The following AGMO variants were observed in gnomAD, a reference collection of about 807,000 sequenced individuals.
The protein encoded by AGMO is glyceryl-ether monooxygenase.
A neutral mutation model predicts 60.2 loss-of-function variants in AGMO; 75 were observed. The observed-to-expected ratio is 1.25, with a 90% CI of 1.03 to 1.51. The LOEUF (loss-of-function observed/expected upper bound fraction) is 1.51. AGMO is among the 40% of genes most tolerant of loss of function. The pLI, the probability that AGMO is intolerant of heterozygous loss-of-function variation, is 0.00. For missense variants in AGMO, 763 were observed against 525.5 expected (o/e 1.45, Z -4.42); for synonymous variants, 261 against 177.1 (o/e 1.47, Z -3.76).
At chr7:15,285,526 G>T (rs1309056147) in intron 12 of AGMO, among the ~76,000 whole-genome samples, 2 of 151,924 alleles carry the variant, frequency 1.3e-5, no homozygotes, top group African/African-American at 2.4e-5. Flanking sequence ...GGAGGTGAAA[G>T]ATCTCTACAA....
chr7:15,466,868 T>C (rs1176873374), intron 3 of AGMO, among the ~76,000 whole-genome samples: 1 of 152,164 alleles, frequency 6.6e-6, no homozygotes, highest in Non-Finnish European at 1.5e-5. Context: ...TTAATTGTAC[T>C]GTCTGTCTTC....
At chr7:15,387,180 T>A (rs566822994) in intron 9 of AGMO, among the ~76,000 whole-genome samples, 1 of 152,198 alleles carries the variant, frequency 6.6e-6, no homozygotes, top group Non-Finnish European at 1.5e-5. Context: ...TGCTCCACAA[T>A]CTGTGCTCCT....
At chr7:15,483,035 G>A (rs771593768) in intron 3 of AGMO, among the ~76,000 whole-genome samples, 3 of 151,968 alleles carry the variant, frequency 2.0e-5, no homozygotes, top group Non-Finnish European at 4.4e-5. Context: ...TTTACCAAAA[G>A]TACTAATAAG....
chr7:15,383,898 T>C (rs948006217), intron 10 of AGMO, among the ~76,000 whole-genome samples: 10 of 152,142 alleles, frequency 6.6e-5, no homozygotes, highest in African/African-American at 1.7e-4. Flanking sequence ...GTATTGACTT[T>C]AGCACTGTGT....
At chr7:15,500,098 G>T (rs1290213157) in intron 3 of AGMO, among the ~76,000 whole-genome samples, 3 of 151,528 alleles carry the variant, frequency 2.0e-5, no homozygotes, top group Non-Finnish European at 4.4e-5. Context: ...TTACAGTTTT[G>T]GTTTTGGATG....
intron 12 of AGMO, among the ~76,000 whole-genome samples, chr7:15,228,087 T>G (rs1782144849): frequency 6.6e-6 from 1 of 152,174 alleles, no homozygotes; most frequent in Non-Finnish European, 1.5e-5. Context: ...TATTTTAATT[T>G]CTTTAAAGTT....
chr7:15,457,229 T>C (rs1041162856), intron 3 of AGMO, among the ~76,000 whole-genome samples: 1 of 152,168 alleles, frequency 6.6e-6, no homozygotes, highest in African/African-American at 2.4e-5. Context: ...ATCAGTGTTT[T>C]CTAAAAGTCT....
chr7:15,245,532 C>G (rs1357968925), intron 12 of AGMO, among the ~76,000 whole-genome samples: 2 of 152,142 alleles, frequency 1.3e-5, no homozygotes, highest in African/African-American at 4.8e-5. Flanking sequence ...ATCTGCAACC[C>G]AAGAGGTTCA....
chr7:15,174,435 G>T, the AGMO span, among the ~76,000 whole-genome samples: 2 of 152,036 alleles, frequency 1.3e-5, no homozygotes, highest in Non-Finnish European at 1.5e-5. Flanking sequence ...TAAATTTTAA[G>T]AAAGATACTT....
chr7:15,338,941 A>G (rs985597600), intron 12 of AGMO, among the ~76,000 whole-genome samples: 1 of 152,210 alleles, frequency 6.6e-6, no homozygotes, highest in African/African-American at 2.4e-5. Flanking sequence ...AGTGGGGAGC[A>G]GCCTCAATTC....
chr7:15,199,960 G>A (rs1781231350), downstream of AGMO, among the ~76,000 whole-genome samples: 1 of 152,020 alleles, frequency 6.6e-6, no homozygotes, highest in Non-Finnish European at 1.5e-5. Context: ...CCTGCAGTCT[G>A]ATTCTCTTAA....
At chr7:15,547,740 G>C (rs1237499216) in intron 2 of AGMO, among the ~76,000 whole-genome samples, 2 of 152,034 alleles carry the variant, frequency 1.3e-5, no homozygotes, top group Admixed American at 6.5e-5. Flanking sequence ...GGCTGGGGGA[G>C]GGGCGCCCGC....
intron 3 of AGMO, among the ~76,000 whole-genome samples, chr7:15,539,240 C>G (rs1243906230): frequency 6.6e-6 from 1 of 151,948 alleles, no homozygotes; most frequent in Non-Finnish European, 1.5e-5. Context: ...ATTTCATCAC[C>G]TGGGTAATAA....
intron 12 of AGMO, among the ~76,000 whole-genome samples, chr7:15,300,171 A>G (rs972526228): frequency 2.0e-5 from 3 of 152,184 alleles, no homozygotes; most frequent in African/African-American, 7.2e-5. Flanking sequence ...GGATTGGAAC[A>G]AAGAGATACC....
the AGMO span, among the ~76,000 whole-genome samples, chr7:15,162,632 T>C: frequency 8.4e-4 from 128 of 152,258 alleles, no homozygotes; most frequent in South Asian, 2.9e-3. Flanking sequence ...AGGTTGAGGC[T>C]ACATTGAGCT....
intron 12 of AGMO, among the ~76,000 whole-genome samples, chr7:15,209,614 C>T (rs534687134): frequency 6.6e-6 from 1 of 152,306 alleles, no homozygotes; most frequent in Non-Finnish European, 1.5e-5. Flanking sequence ...TGGGGGATTT[C>T]TCTCAGTGTT....
chr7:15,351,767 T>C (rs1405535514), intron 12 of AGMO, among the ~76,000 whole-genome samples: 1 of 152,132 alleles, frequency 6.6e-6, no homozygotes, highest in Non-Finnish European at 1.5e-5. Context: ...TTTTTAAAAA[T>C]AACAAAGTAT....
chr7:15,549,201 G>T (rs1336438559), intron 2 of AGMO, among the ~76,000 whole-genome samples: 6 of 142,430 alleles, frequency 4.2e-5, no homozygotes, highest in Admixed American at 7.1e-5. Flanking sequence ...GGTACCAGCC[G>T]CTGCAAAATC....
chr7:15,557,851 AAGT>A (rs1330019065), intron 2 of AGMO, among the ~76,000 whole-genome samples: 1 of 152,076 alleles, frequency 6.6e-6, no homozygotes, highest in Non-Finnish European at 1.5e-5. Context: ...CTCCAAATTA[AAGT>A]TCATAACCTT....
Sources: gnomAD v4.1 joint callset for allele counts (sites outside exome capture counted in the v4.1 genomes callset) on GRCh38, gnomAD v4.1.1 for gene constraint, MANE v1.5 for transcripts, NCBI Gene and HGNC (gene_info 2026-07-23, HGNC 2026-07-21) for gene names.